AGAP1: variants seen among roughly 807,000 people sequenced by gnomAD.
AGAP1 encodes the protein arf-GAP with GTPase, ANK repeat and PH domain-containing protein 1.
Under a neutral mutation model 105.3 loss-of-function variants are expected in AGAP1, and 29 were observed. The observed-to-expected ratio is 0.28, with a 90% CI of 0.21 to 0.38. The LOEUF is 0.38. Ranked by LOEUF, AGAP1 falls within the 10% of genes least tolerant of loss-of-function variation. The pLI, the probability that AGAP1 is intolerant of heterozygous loss-of-function variation, is 1.00. For missense variants in AGAP1, 998 were observed against 1,165.1 expected (o/e 0.86, Z 2.09); for synonymous variants, 509 against 485.9 (o/e 1.05, Z -0.63).
intron 10 of AGAP1, among the ~76,000 whole-genome samples, chr2:235,885,400 A>G (rs1463874561): frequency 6.6e-6 from 1 of 152,238 alleles, no homozygotes; most frequent in Non-Finnish European, 1.5e-5. Context: ...TTTCACTGTC[A>G]TAAAGAACTC....
intron 1 of AGAP1, among the ~76,000 whole-genome samples, chr2:235,651,093 A>G (rs531048180): frequency 1.2e-4 from 18 of 149,472 alleles, no homozygotes; most frequent in African/African-American, 3.9e-4. Flanking sequence ...AGGTGGGACA[A>G]TCAGTTGAAC....
At chr2:235,929,336 G>T (rs2125144670) in intron 11 of AGAP1, among the ~76,000 whole-genome samples, 1 of 152,242 alleles carries the variant, frequency 6.6e-6, no homozygotes, top group Non-Finnish European at 1.5e-5. Flanking sequence ...TGGCGATGCT[G>T]CTTCTGTAGG....
intron 6 of AGAP1, among the ~76,000 whole-genome samples, chr2:235,783,646 T>C (rs899531703): frequency 2.6e-5 from 4 of 152,042 alleles, no homozygotes; most frequent in Non-Finnish European, 5.9e-5. Flanking sequence ...AATGATTCCA[T>C]TTATATGAAG....
chr2:235,796,424 T>A (rs1043208493), intron 6 of AGAP1, among the ~76,000 whole-genome samples: 1 of 152,174 alleles, frequency 6.6e-6, no homozygotes, highest in Non-Finnish European at 1.5e-5. Context: ...AATTTAAACA[T>A]GATTAGCTGA....
Position 235,889,207 on chromosome 2 carries a change from C to T in AGAP1, c.1155+5758C>T, listed in dbSNP as rs994349406. Among the ~76,000 whole-genome samples the T allele has an allele frequency of 6.6e-6, 1 of 152,166 alleles. No homozygotes were observed. The highest frequency in any genetic ancestry group is 2.4e-5 in the African/African-American group (1 of 41,444). ...GTCGGTATGTGGCCGTGCTGTGCAC[C>T]GAGCTCGTGGAATCCCAGCAGGATG... On this transcript the variant is annotated intron_variant, in intron 10 of 17. Transcript: ENST00000304032. The surrounding 1 kb of genome is among the most constrained non-coding windows in gnomAD (Gnocchi z 4.6).
chr2:235,808,420 G>A lies in AGAP1; in HGVS notation c.1050+1089G>A, dbSNP rs543701325. ...GGATTATTCTGGTGGTGCAGGTTTC[G>A]TCCATTTGAAGCAAATAGGAACGCA... On this transcript the variant is annotated intron_variant, in intron 9 of 17. Transcript: ENST00000304032. Among the ~76,000 whole-genome samples, 8 of 152,324 alleles carry A rather than the reference G, an allele frequency of 5.3e-5. No individual in the cohort carries two copies. The South Asian group carries it at 1.2e-3, about 24-fold the overall frequency.
At chr2:235,974,405 G>A (rs1014125839) in intron 13 of AGAP1, among the ~76,000 whole-genome samples, 1 of 152,202 alleles carries the variant, frequency 6.6e-6, no homozygotes, top group African/African-American at 2.4e-5. Context: ...CTTTAAAAAT[G>A]CAGGACCAGA....
At chr2:235,597,626 C>G (rs896230456) in intron 1 of AGAP1, among the ~76,000 whole-genome samples, 1 of 152,194 alleles carries the variant, frequency 6.6e-6, no homozygotes, top group African/African-American at 2.4e-5. Context: ...GCAGCACGCC[C>G]TCGAATGACA....
In AGAP1 at chr2:235,739,517, T is replaced by TG. The variant is rs367553079; in HGVS notation, c.311-1440dup. Among the ~76,000 whole-genome samples, 353 of 152,324 alleles carry TG rather than the reference T, an allele frequency of 2.3e-3. 2 individuals are homozygous for TG. The highest frequency in any genetic ancestry group is 7.6e-3 in the African/African-American group (317 of 41,592). ...GGCCCTACCGTCTTGTTTCAGTGAC[T>TG]GGGGGGACAGCAAAATGAGAGTTTA... On this transcript the variant is annotated intron_variant, in intron 3 of 17. Transcript: ENST00000304032. The surrounding 1 kb of genome is among the most constrained non-coding windows in gnomAD (Gnocchi z 5.3).
intron 9 of AGAP1, among the ~76,000 whole-genome samples, chr2:235,807,635 G>A (rs927121225): frequency 1.3e-5 from 2 of 152,232 alleles, no homozygotes; most frequent in African/African-American, 2.4e-5. Context: ...TTGGGCCGCG[G>A]GCCGCCGGGC....
chr2:235,521,294 T>C (rs1223787503), intron 1 of AGAP1, among the ~76,000 whole-genome samples: 1 of 152,194 alleles, frequency 6.6e-6, no homozygotes, highest in Non-Finnish European at 1.5e-5. Flanking sequence ...TAGATACATT[T>C]CTTTATTTTC....
At chr2:235,783,990 A>T (rs1956447649) in intron 6 of AGAP1, among the ~76,000 whole-genome samples, 2 of 148,020 alleles carry the variant, frequency 1.4e-5, no homozygotes, top group Admixed American at 1.5e-4. Flanking sequence ...GGATGGACGG[A>T]CGGATGGATG....
At chr2:236,071,949 A>G (rs2058507085) in intron 16 of AGAP1, among the ~76,000 whole-genome samples, 1 of 152,120 alleles carries the variant, frequency 6.6e-6, no homozygotes, top group Non-Finnish European at 1.5e-5. Flanking sequence ...CGTTGTGGTA[A>G]ACTTAAAATT....
At chr2:235,722,063 G>A (rs959510919) in intron 3 of AGAP1, among the ~76,000 whole-genome samples, 1 of 152,214 alleles carries the variant, frequency 6.6e-6, no homozygotes, top group East Asian at 1.9e-4. Flanking sequence ...CAGTGCAAAA[G>A]TGGGTTACTC....
Position 235,976,713 on chromosome 2 carries a change from G to A in AGAP1, c.1645+8090G>A, listed in dbSNP as rs778524606. Among the ~76,000 whole-genome samples, 10 of 152,140 alleles carry A rather than the reference G, an allele frequency of 6.6e-5. No homozygotes were observed. The highest frequency in any genetic ancestry group is 8.8e-5 in the Non-Finnish European group (6 of 68,026). On this transcript the variant is annotated intron_variant, in intron 13 of 17. Coordinates refer to ENST00000304032, the MANE Select transcript of AGAP1 (RefSeq NM_001037131.3). The surrounding 1 kb of genome is among the most constrained non-coding windows in gnomAD (Gnocchi z 4.5). Reference sequence around the variant, plus strand: ...AGACCAGTGGAGAAAGCAGAAACACGCCGGGGAACTTGGTTATGCAGGAGC... The same window carrying A: ...AGACCAGTGGAGAAAGCAGAAACACACCGGGGAACTTGGTTATGCAGGAGC...
intron 1 of AGAP1, among the ~76,000 whole-genome samples, chr2:235,602,493 T>C (rs572193107): frequency 6.6e-5 from 10 of 152,276 alleles, no homozygotes; most frequent in African/African-American, 2.4e-4. Context: ...ACTCAGTCCC[T>C]GCTGTTCCTC....
In AGAP1 at chr2:235,959,754, G is replaced by A. The variant is rs994761252; in HGVS notation, c.1484-8708G>A. The stretch of plus-strand genomic sequence containing the variant: ...CTGCTGCAGCCGGGCCCTCCCACAG[G>A]CAAGCATCTGGAACTAGCACCAGAG... On this transcript the variant is annotated intron_variant, in intron 12 of 17. Coordinates refer to ENST00000304032, the MANE Select transcript of AGAP1 (RefSeq NM_001037131.3). This position sits in a 1 kb window ranked among gnomAD's most constrained non-coding sequence, Gnocchi z 7.3. 1.3e-5 allele frequency among the ~76,000 whole-genome samples: 2 copies of A among 152,142 alleles called. No individual in the cohort carries two copies. Among genetic ancestry groups the A allele is most frequent in the African/African-American group, 4.8e-5 (2 of 41,424 alleles).
intron 1 of AGAP1, among the ~76,000 whole-genome samples, chr2:235,590,665 A>ATGTGTGTGTGTG (rs147286191): frequency 8.6e-5 from 11 of 127,466 alleles, no homozygotes; most frequent in South Asian, 7.6e-4. Context: ...TTTTGTTTTA[A>ATGTGTGTGTGTG]TGTGTGTGTG....
intron 1 of AGAP1, among the ~76,000 whole-genome samples, chr2:235,589,728 T>C (rs1380139532): frequency 6.6e-6 from 1 of 152,008 alleles, no homozygotes; most frequent in Non-Finnish European, 1.5e-5. Context: ...ATGGAGATAA[T>C]TGGAGGAAGC....
Sources: allele counts gnomAD v4.1 joint callset (sites outside exome capture counted in the v4.1 genomes callset), GRCh38; gene constraint gnomAD v4.1.1; non-coding constraint Gnocchi (gnomAD v3.1); transcripts MANE v1.5; gene names NCBI Gene and HGNC (gene_info 2026-07-23, HGNC 2026-07-21).